Variants in IL1RAPL1 observed in about 807,000 individuals in gnomAD.
The protein encoded by IL1RAPL1 is interleukin 1 receptor accessory protein like 1, also known as interleukin-1 receptor accessory protein-like 1.
Under a neutral mutation model 48.4 loss-of-function variants are expected in IL1RAPL1, and 3 were observed. That is an observed-to-expected ratio of 0.06 (90% CI 0.03 to 0.16). The LOEUF (loss-of-function observed/expected upper bound fraction) is 0.16, where lower values mean the gene tolerates loss of function less well. Among genes scored for constraint, IL1RAPL1 ranks in the 10% least tolerant of loss-of-function variants. The pLI is 1.00. For missense variants in IL1RAPL1, 349 were observed against 530.6 expected (o/e 0.66, Z 3.36); for synonymous variants, 185 against 187.7 (o/e 0.99, Z 0.12).
At chrX:29,585,026 C>G (rs1419070795) in intron 5 of IL1RAPL1, among the ~76,000 whole-genome samples, 1 of 112,333 alleles carries the variant, frequency 8.9e-6, no homozygotes, top group Non-Finnish European at 1.9e-5. Flanking sequence ...ATTTCCTCAT[C>G]TTCTTTTTTA....
intron 2 of IL1RAPL1, among the ~76,000 whole-genome samples, chrX:28,987,496 A>G (rs1454357098): frequency 8.9e-6 from 1 of 111,866 alleles, no homozygotes; most frequent in Admixed American, 9.5e-5. Flanking sequence ...ATATGAACAG[A>G]CACATATTTA....
chrX:28,795,998 G>A (rs748876171), intron 2 of IL1RAPL1, among the ~76,000 whole-genome samples: 11 of 111,664 alleles, frequency 9.9e-5, no homozygotes, highest in East Asian at 2.8e-4. Flanking sequence ...CAATCATGGC[G>A]GAAGGCAAGG....
chrX:29,271,779 G>T (rs866463265), intron 2 of IL1RAPL1, among the ~76,000 whole-genome samples: 2 of 112,075 alleles, frequency 1.8e-5, no homozygotes, highest in Middle Eastern at 9.2e-3. Flanking sequence ...TTTGTTGGAT[G>T]CACAGTTTGC....
intron 6 of IL1RAPL1, among the ~76,000 whole-genome samples, chrX:29,803,363 A>T (rs1194666816): frequency 1.2e-5 from 1 of 85,269 alleles, no homozygotes; most frequent in Non-Finnish European, 2.2e-5. Flanking sequence ...ACATGTATAC[A>T]CATATGTATA....
intron 6 of IL1RAPL1, among the ~76,000 whole-genome samples, chrX:29,884,559 C>T (rs761563482): frequency 9.0e-6 from 1 of 111,414 alleles, no homozygotes; most frequent in African/African-American, 3.3e-5. Flanking sequence ...TCTACTCTCC[C>T]TACTCTCATT....
intron 2 of IL1RAPL1, among the ~76,000 whole-genome samples, chrX:29,082,469 C>G (rs1927864279): frequency 1.8e-5 from 2 of 111,637 alleles, no homozygotes. Flanking sequence ...AATATACAAC[C>G]AATAAACAGG....
chrX:29,222,524 C>T (rs1311021194), intron 2 of IL1RAPL1, among the ~76,000 whole-genome samples: 3 of 111,843 alleles, frequency 2.7e-5, no homozygotes, highest in African/African-American at 9.8e-5. Context: ...CTACCTTGCA[C>T]TTAGGAGTTG....
intron 5 of IL1RAPL1, among the ~76,000 whole-genome samples, chrX:29,570,378 A>G (rs1922555176): frequency 8.9e-6 from 1 of 112,583 alleles, no homozygotes; most frequent in African/African-American, 3.2e-5. Context: ...TAATACCAAT[A>G]GACATTACAT....
intron 5 of IL1RAPL1, among the ~76,000 whole-genome samples, chrX:29,529,746 T>A (rs1400220313): frequency 1.8e-5 from 2 of 110,061 alleles, no homozygotes; most frequent in Non-Finnish European, 3.8e-5. Flanking sequence ...TATTAAGGGG[T>A]AAAGGAATAT....
chrX:28,970,018 A>G (rs909893038), intron 2 of IL1RAPL1, among the ~76,000 whole-genome samples: 3 of 96,530 alleles, frequency 3.1e-5, no homozygotes, highest in Non-Finnish European at 4.1e-5. Flanking sequence ...TATATATATA[A>G]AGATAAAGTT....
At chrX:29,873,975 C>T (rs1931853935) in intron 6 of IL1RAPL1, among the ~76,000 whole-genome samples, 1 of 112,183 alleles carries the variant, frequency 8.9e-6, no homozygotes, top group East Asian at 2.8e-4. Context: ...AAAAGCAAAA[C>T]ACAAATTGCA....
chrX:29,520,574 A>G (rs1304953453), intron 5 of IL1RAPL1, among the ~76,000 whole-genome samples: 1 of 111,481 alleles, frequency 9.0e-6, no homozygotes, highest in Non-Finnish European at 1.9e-5. Flanking sequence ...GATTTTTATC[A>G]TTGCTTAAAT....
intron 5 of IL1RAPL1, among the ~76,000 whole-genome samples, chrX:29,451,955 A>G (rs1445906995): frequency 8.9e-6 from 1 of 112,135 alleles, no homozygotes; most frequent in Non-Finnish European, 1.9e-5. Flanking sequence ...TTTTGTGCAT[A>G]TCAGAATTTG....
intron 8 of IL1RAPL1, among the ~76,000 whole-genome samples, chrX:29,927,681 T>TA (rs1298672962): frequency 8.9e-6 from 1 of 111,868 alleles, no homozygotes; most frequent in Admixed American, 9.5e-5. Flanking sequence ...ACATATGTTT[T>TA]AGCCTATGCA....
At chrX:28,656,895 G>A (rs1210358545) in intron 1 of IL1RAPL1, among the ~76,000 whole-genome samples, 2 of 108,675 alleles carry the variant, frequency 1.8e-5, no homozygotes, top group African/African-American at 3.4e-5. Context: ...GCGTGGTGGC[G>A]GGCGCCTGTA....
intron 5 of IL1RAPL1, among the ~76,000 whole-genome samples, chrX:29,642,704 G>A (rs1783490674): frequency 8.9e-6 from 1 of 112,234 alleles, no homozygotes; most frequent in Non-Finnish European, 1.9e-5. Flanking sequence ...GGGGCAGCTG[G>A]AGGCTCTAGA....
At chrX:29,641,001 TAA>T (rs57102687) in intron 5 of IL1RAPL1, among the ~76,000 whole-genome samples, 15,653 of 103,640 alleles carry the variant, frequency 0.15, 1,135 homozygotes, top group African/African-American at 0.26. Context: ...CCCCATCTCT[TAA>T]AAAAAAAAAA....
At chrX:29,787,351 A>G (rs1373067471) in intron 6 of IL1RAPL1, among the ~76,000 whole-genome samples, 2 of 112,296 alleles carry the variant, frequency 1.8e-5, no homozygotes, top group Non-Finnish European at 3.8e-5. Flanking sequence ...TGTATAATTT[A>G]AAAGTTCAGT....
Position 28,674,487 on chromosome X carries a change from G to A in IL1RAPL1, c.-25+86440G>A, listed in dbSNP as rs1288675369. On this transcript the variant is annotated intron_variant, in intron 1 of 10. Coordinates refer to ENST00000378993, the MANE Select transcript of IL1RAPL1 (RefSeq NM_014271.4). ...TTTTGTGCCAACAAAATATTTTGAGGGAGGAATATTTTTATATCAATTATT... is the reference window on the plus strand; with the variant it reads ...TTTTGTGCCAACAAAATATTTTGAGAGAGGAATATTTTTATATCAATTATT... Among the ~76,000 whole-genome samples, 3 of 111,394 alleles carry A rather than the reference G, an allele frequency of 2.7e-5. No individual in the cohort carries two copies. The East Asian group carries it at 8.4e-4, about 31-fold the overall frequency.
Sources: allele counts gnomAD v4.1 joint callset (sites outside exome capture counted in the v4.1 genomes callset), GRCh38; gene constraint gnomAD v4.1.1; transcripts MANE v1.5; gene names NCBI Gene and HGNC (gene_info 2026-07-23, HGNC 2026-07-21).